The following FAM110B variants were observed in gnomAD, a reference collection of about 807,000 sequenced individuals.
FAM110B encodes family with sequence similarity 110 member B, also known as protein FAM110B.
FAM110B carries 6 observed loss-of-function variants against 20.4 expected under a neutral mutation model. That is an observed-to-expected ratio of 0.29 (90% CI 0.16 to 0.58). The LOEUF is 0.58. Ranked by LOEUF, FAM110B falls within the 20% of genes least tolerant of loss-of-function variation. The pLI is 0.90. For synonymous variants in FAM110B, 226 were observed against 214.1 expected, an observed-to-expected ratio of 1.06 and a Z score of -0.49; for missense variants, 434 against 498.2, an observed-to-expected ratio of 0.87 and a Z score of 1.23.
chr8:58,071,839 C>T (rs1009955268), intron 2 of FAM110B, among the ~76,000 whole-genome samples: 1 of 152,148 alleles, frequency 6.6e-6, no homozygotes, highest in African/African-American at 2.4e-5. Flanking sequence ...TTTTAGACAC[C>T]TTGTGTGGTG....
chr8:58,121,122 A>T (rs377032739), intron 3 of FAM110B, among the ~76,000 whole-genome samples: 3 of 152,194 alleles, frequency 2.0e-5, no homozygotes, highest in African/African-American at 7.2e-5. Flanking sequence ...CAGAAAAATC[A>T]GCACTGTAAT....
chr8:58,074,609 AC>A (rs1805987129), intron 2 of FAM110B, among the ~76,000 whole-genome samples: 1 of 152,052 alleles, frequency 6.6e-6, no homozygotes, highest in African/African-American at 2.4e-5. Flanking sequence ...TTTCGTCTTA[AC>A]CCCCAGAGCC....
rs1262734360 is a variant in FAM110B, at chr8:58,148,431, C to T, written c.*1088C>T. 1.2e-5 allele frequency: 2 copies of T among 167,076 alleles called. No homozygotes were observed. Among genetic ancestry groups the T allele is most frequent in the African/African-American group, 4.8e-5 (2 of 41,446 alleles). 10.3% of individuals were successfully genotyped at this position (167,076 alleles called of 1,614,324 possible). A position where few individuals can be genotyped will look rare whatever the true frequency, so the allele number is the denominator to read the frequency against. On this transcript the variant is annotated 3_prime_UTR_variant, in exon 4 of 4. Transcript: ENST00000519262. ...TCTCTCAGGCTGTGGATCTTTGTTA[C>T]AGCTCTAGGAAACTGTAGAAATACA...
intron 3 of FAM110B, among the ~76,000 whole-genome samples, chr8:58,100,605 A>G (rs1806755047): frequency 6.6e-6 from 1 of 152,140 alleles, no homozygotes; most frequent in African/African-American, 2.4e-5. Context: ...CTTGGCTTAT[A>G]AGAGTGTCAT....
intron 3 of FAM110B, among the ~76,000 whole-genome samples, chr8:58,109,860 C>T (rs1415441827): frequency 6.6e-6 from 1 of 152,232 alleles, no homozygotes; most frequent in Non-Finnish European, 1.5e-5. Flanking sequence ...TTTTATGCAA[C>T]TGATTTTTTA....
chr8:58,042,804 A>C (rs1805246917), intron 2 of FAM110B, among the ~76,000 whole-genome samples: 1 of 152,214 alleles, frequency 6.6e-6, no homozygotes, highest in Admixed American at 6.5e-5. Flanking sequence ...TGCTTGCGTA[A>C]GAATTGAAAT....
At chr8:58,010,303 T>C (rs1804506212) in intron 1 of FAM110B, among the ~76,000 whole-genome samples, 1 of 151,950 alleles carries the variant, frequency 6.6e-6, no homozygotes, top group South Asian at 2.1e-4. Context: ...ATTACAGGTG[T>C]GCGCCACCAT....
At chr8:58,077,710 C>A (rs969664525) in intron 3 of FAM110B, among the ~76,000 whole-genome samples, 3 of 152,160 alleles carry the variant, frequency 2.0e-5, no homozygotes, top group Admixed American at 6.5e-5. Flanking sequence ...TCCCTCCCCC[C>A]ATCAAGGCAA....
chr8:58,047,647 A>G (rs1805357048), intron 2 of FAM110B, among the ~76,000 whole-genome samples: 1 of 98,508 alleles, frequency 1.0e-5, no homozygotes, highest in Non-Finnish European at 2.4e-5. Flanking sequence ...ACTTATATAA[A>G]TCAAGTCACG....
At chr8:58,034,342 C>T (rs1805032796) in intron 2 of FAM110B, among the ~76,000 whole-genome samples, 2 of 152,146 alleles carry the variant, frequency 1.3e-5, no homozygotes, top group Non-Finnish European at 2.9e-5. Context: ...GGGGGAGTGT[C>T]CCAGCTGGAT....
In FAM110B at chr8:58,069,916, CTT is replaced by C. The variant is rs369727627; in HGVS notation, c.-413-5617_-413-5616del. On this transcript the variant is annotated intron_variant, in intron 2 of 3. Coordinates refer to ENST00000519262, the MANE Select transcript of FAM110B (RefSeq NM_001377989.1). Reference sequence around the variant, plus strand: ...TAGATTTGAGGAAAATAAGAACACACTTTAAAAATCACTTATAGTTTATAAGG... The same window carrying C: ...TAGATTTGAGGAAAATAAGAACACACTAAAAATCACTTATAGTTTATAAGG... Among the ~76,000 whole-genome samples, 63 of 152,292 alleles carry C rather than the reference CTT, an allele frequency of 4.1e-4. 1 individual carries two copies. The East Asian group carries it at 0.012, about 28-fold the overall frequency.
intron 2 of FAM110B, among the ~76,000 whole-genome samples, chr8:58,068,618 G>A (rs1436383099): frequency 6.6e-6 from 1 of 150,764 alleles, no homozygotes; most frequent in Middle Eastern, 3.2e-3. Flanking sequence ...AAAAACTACA[G>A]AAAAGGGAAG....
At chr8:58,127,360 A>G (rs191099041) in intron 3 of FAM110B, among the ~76,000 whole-genome samples, 229 of 152,322 alleles carry the variant, frequency 1.5e-3, no homozygotes, top group Non-Finnish European at 1.5e-3. Flanking sequence ...TTTATCTCAG[A>G]ACTGTTTTAG....
rs190501102 is a variant in FAM110B, at chr8:58,127,528, G to T, written c.-324-18379G>T. On this transcript the variant is annotated intron_variant, in intron 3 of 3. Transcript: ENST00000519262. ...CTTTATTGTCTATCTTGTCTTATAT[G>T]ATTGTCTACATAGAAAATCTCAAAT... is the stretch of plus-strand genomic sequence containing the variant. Among the ~76,000 whole-genome samples the T allele has an allele frequency of 4.7e-3, 718 of 151,858 alleles. 1 individual carries two copies. The highest frequency in any genetic ancestry group is 7.4e-3 in the Non-Finnish European group (502 of 67,962).
intron 3 of FAM110B, among the ~76,000 whole-genome samples, chr8:58,136,979 A>C (rs1024580935): frequency 6.6e-6 from 1 of 152,210 alleles, no homozygotes; most frequent in South Asian, 2.1e-4. Flanking sequence ...CATTTGTAAT[A>C]ATGGCTTTAT....
chr8:58,029,642 C>T (rs1325852700), intron 1 of FAM110B, among the ~76,000 whole-genome samples: 1 of 152,088 alleles, frequency 6.6e-6, no homozygotes, highest in Non-Finnish European at 1.5e-5. Context: ...TGGATTTACA[C>T]CTAGAAAACC....
chr8:58,056,950 G>A (rs747357142), intron 2 of FAM110B, among the ~76,000 whole-genome samples: 1 of 152,146 alleles, frequency 6.6e-6, no homozygotes, highest in Non-Finnish European at 1.5e-5. Context: ...AAAATGAGGA[G>A]GCCCTATGTT....
chr8:58,056,964 A>AGTGGAAAT (rs1805559047), intron 2 of FAM110B, among the ~76,000 whole-genome samples: 2 of 152,172 alleles, frequency 1.3e-5, no homozygotes, highest in Admixed American at 6.5e-5. Context: ...CTATGTTTTT[A>AGTGGAAAT]GTGGAAATGA....
chr8:58,017,119 G>C (rs1026811720), intron 1 of FAM110B, among the ~76,000 whole-genome samples: 21 of 152,180 alleles, frequency 1.4e-4, no homozygotes, highest in Non-Finnish European at 2.9e-5. Flanking sequence ...AAGGGAGTTA[G>C]TGCTTCTCAG....
Sources: gnomAD v4.1 joint callset for allele counts (sites outside exome capture counted in the v4.1 genomes callset) on GRCh38, gnomAD v4.1.1 for gene constraint, MANE v1.5 for transcripts, NCBI Gene and HGNC (gene_info 2026-07-23, HGNC 2026-07-21) for gene names.